KIAA1217: variants seen among roughly 807,000 people sequenced by gnomAD.
KIAA1217 encodes the protein sickle tail protein homolog.
In KIAA1217, 88 loss-of-function variants were observed where a neutral mutation model predicts 163.9. The observed-to-expected ratio is 0.54, with a 90% CI of 0.45 to 0.64. KIAA1217 has a LOEUF of 0.64. KIAA1217 is among the 30% of genes least tolerant of loss of function. The pLI is 0.00. For synonymous variants in KIAA1217, 903 were observed against 923.1 expected (o/e 0.98, Z 0.39); for missense variants, 2,372 against 2,475.0 (o/e 0.96, Z 0.88).
chr10:24,011,372 A>T (rs761943116), intron 2 of KIAA1217, among the ~76,000 whole-genome samples: 1 of 152,140 alleles, frequency 6.6e-6, no homozygotes, highest in Non-Finnish European at 1.5e-5. Flanking sequence ...CTGTAGTCCC[A>T]GCTACTCAGG....
At chr10:24,435,900 G>A (rs867311149) in intron 4 of KIAA1217, among the ~76,000 whole-genome samples, 7 of 151,472 alleles carry the variant, frequency 4.6e-5, no homozygotes, top group Admixed American at 6.6e-5. Context: ...TCACTCGGTC[G>A]CCCAGGTTGG....
At chr10:24,294,986 A>G (rs574400252) in intron 2 of KIAA1217, among the ~76,000 whole-genome samples, 24 of 152,300 alleles carry the variant, frequency 1.6e-4, no homozygotes, top group African/African-American at 3.4e-4. Context: ...CCCTCTCACT[A>G]TATTTCAAAA....
intron 2 of KIAA1217, among the ~76,000 whole-genome samples, chr10:24,025,446 G>T (rs1057032919): frequency 2.6e-5 from 4 of 151,622 alleles, no homozygotes; most frequent in Non-Finnish European, 4.4e-5. Flanking sequence ...TGAAGAGTTA[G>T]CTCTTCCACT....
chr10:24,532,197 A>G (rs1249608071), intron 15 of KIAA1217, among the ~76,000 whole-genome samples: 1 of 152,154 alleles, frequency 6.6e-6, no homozygotes, highest in African/African-American at 2.4e-5. Flanking sequence ...TCCTTATTTT[A>G]CTTTTAGCTG....
chr10:24,044,827 A>G (rs1270264915), intron 2 of KIAA1217, among the ~76,000 whole-genome samples: 6 of 152,084 alleles, frequency 3.9e-5, no homozygotes, highest in African/African-American at 1.2e-4. Flanking sequence ...TTCTGTCCTC[A>G]GCATCTCTAT....
At chr10:24,026,665 G>A (rs1322902982) in intron 2 of KIAA1217, among the ~76,000 whole-genome samples, 1 of 141,968 alleles carries the variant, frequency 7.0e-6, no homozygotes, top group African/African-American at 2.6e-5. Flanking sequence ...CTTATACATT[G>A]TATTGATTCT....
chr10:24,315,695 C>T (rs149739145), intron 2 of KIAA1217, among the ~76,000 whole-genome samples: 45 of 151,500 alleles, frequency 3.0e-4, no homozygotes, highest in African/African-American at 1.1e-3. Context: ...AAGGCTGCCG[C>T]GAGCTGTGAT....
At chr10:24,328,439 G>A (rs1487351502) in intron 2 of KIAA1217, among the ~76,000 whole-genome samples, 2 of 151,882 alleles carry the variant, frequency 1.3e-5, no homozygotes, top group Non-Finnish European at 2.9e-5. Context: ...CCTGAGAAAA[G>A]AACTCAGATA....
At chr10:23,838,612 C>A (rs1661651350) in intron 1 of KIAA1217, among the ~76,000 whole-genome samples, 1 of 152,140 alleles carries the variant, frequency 6.6e-6, no homozygotes, top group Non-Finnish European at 1.5e-5. Context: ...AGGTGCCCAC[C>A]TCCATGCCTG....
At chr10:24,154,849 C>T (rs2064801900) in intron 2 of KIAA1217, among the ~76,000 whole-genome samples, 1 of 151,446 alleles carries the variant, frequency 6.6e-6, no homozygotes, top group Non-Finnish European at 1.5e-5. Flanking sequence ...ATTGCTTTCA[C>T]CTGGGAGGCA....
At chr10:24,446,066 C>T (rs545572911) in intron 5 of KIAA1217, among the ~76,000 whole-genome samples, 87 of 152,250 alleles carry the variant, frequency 5.7e-4, no homozygotes, top group Non-Finnish European at 1.0e-3. Context: ...TTTTAATGAT[C>T]GCCATTCTAA....
At chr10:23,986,321 G>A (rs1351024928) in intron 1 of KIAA1217, among the ~76,000 whole-genome samples, 1 of 152,230 alleles carries the variant, frequency 6.6e-6, no homozygotes, top group Non-Finnish European at 1.5e-5. Flanking sequence ...AGACTGGCCT[G>A]AATCAAATTA....
chr10:24,196,385 A>T (rs1360018352), intron 2 of KIAA1217, among the ~76,000 whole-genome samples: 1 of 152,162 alleles, frequency 6.6e-6, no homozygotes, highest in East Asian at 1.9e-4. Context: ...AATTTTCCTG[A>T]TTTCTGTTTT....
At chr10:24,470,726 G>A (rs964653521) in intron 5 of KIAA1217, among the ~76,000 whole-genome samples, 3 of 152,122 alleles carry the variant, frequency 2.0e-5, no homozygotes, top group Admixed American at 6.5e-5. Flanking sequence ...GGCCAATTCC[G>A]TGGTGCCCAG....
At chr10:24,307,780 CA>C (rs888692079) in intron 2 of KIAA1217, among the ~76,000 whole-genome samples, 13 of 151,390 alleles carry the variant, frequency 8.6e-5, no homozygotes, top group Admixed American at 7.3e-4. Flanking sequence ...GACCTTGTCT[CA>C]AAAAAAAGAA....
intron 3 of KIAA1217, among the ~76,000 whole-genome samples, chr10:24,396,684 A>G (rs2055802239): frequency 6.6e-6 from 1 of 152,188 alleles, no homozygotes; most frequent in Admixed American, 6.5e-5. Context: ...GGAACAGTCA[A>G]TGCAAAAGCC....
intron 1 of KIAA1217, among the ~76,000 whole-genome samples, chr10:23,894,084 C>G (rs1841557540): frequency 6.6e-6 from 1 of 151,586 alleles, no homozygotes; most frequent in African/African-American, 2.4e-5. Context: ...TGGCACAAGA[C>G]AGGGATGCCC....
chr10:24,036,223 T>A (rs138765935), intron 2 of KIAA1217, among the ~76,000 whole-genome samples: 4,909 of 152,198 alleles, frequency 0.032, 140 homozygotes, highest in Middle Eastern at 0.092. Context: ...AGAGAGTTCA[T>A]GGGAAGGGCT....
intron 1 of KIAA1217, among the ~76,000 whole-genome samples, chr10:23,895,139 A>C (rs1841618319): frequency 6.6e-6 from 1 of 152,134 alleles, no homozygotes; most frequent in African/African-American, 2.4e-5. Flanking sequence ...AAATTGACAA[A>C]TGGGATCTCA....
Sources: allele counts gnomAD v4.1 joint callset (sites outside exome capture counted in the v4.1 genomes callset), GRCh38; gene constraint gnomAD v4.1.1; transcripts MANE v1.5; gene names NCBI Gene and HGNC (gene_info 2026-07-23, HGNC 2026-07-21).